AHNAK: variants seen among roughly 807,000 people sequenced by gnomAD.
AHNAK encodes AHNAK nucleoprotein.
In AHNAK, 23 loss-of-function variants were observed where a neutral mutation model predicts 37.8. The ratio of observed to expected loss-of-function variants is 0.61; its 90% CI spans 0.44 to 0.86. AHNAK has a LOEUF of 0.86. AHNAK is among the 40% of genes least tolerant of loss of function. The probability of loss-of-function intolerance (pLI) is 0.00; values close to 1 mark genes in which losing one functional copy is unlikely to be tolerated. For synonymous variants in AHNAK, 2,481 were observed against 2,636.3 expected (o/e 0.94, Z 1.80); for missense variants, 7,411 against 7,319.4 (o/e 1.01, Z -0.46).
rs772632365 is a variant in AHNAK at position 62,527,348 on chromosome 11, T to C, written c.7069A>G (p.Met2357Val). Reference protein sequence around the residue: ...DVKGPKLDADMPEVAVEGPNG... With the variant: ...DVKGPKLDADVPEVAVEGPNG... ...GGGCCTTCCACAGCTACTTCTGGCA[T>C]GTCAGCATCTAATTTGGGACCTTTG... Residue 2357 changes from methionine to valine, a missense_variant, in exon 5 of 5, where the codon ATG becomes GTG. Transcript: ENST00000378024. The C allele has an allele frequency of 1.1e-5, 17 of 1,613,952 alleles. No individual in the cohort carries two copies. Among genetic ancestry groups the C allele is most frequent in the South Asian group, 2.2e-5 (2 of 91,074 alleles).
downstream of AHNAK, among the ~76,000 whole-genome samples, chr11:62,512,255 C>A (rs900416714): frequency 6.6e-6 from 1 of 152,172 alleles, no homozygotes; most frequent in Non-Finnish European, 1.5e-5. The surrounding 1 kb of genome is among the most constrained non-coding windows in gnomAD (Gnocchi z 4.0). Context: ...CCTGGGCTCC[C>A]GTGCCCTCCA....
intron 4 of AHNAK, among the ~76,000 whole-genome samples, chr11:62,499,540 G>T (rs975678269): frequency 9.2e-5 from 14 of 152,156 alleles, no homozygotes; most frequent in African/African-American, 3.4e-4. Flanking sequence ...AACAGAGCAA[G>T]ACTCCATCTC....
chr11:62,454,837 C>T (rs1938622028), intron 5 of AHNAK, among the ~76,000 whole-genome samples: 1 of 152,128 alleles, frequency 6.6e-6, no homozygotes, highest in South Asian at 2.1e-4. Flanking sequence ...CTGCTCCAGC[C>T]CCTCCTCAAA....
At chr11:62,444,526 G>A (rs1306789612) in intron 5 of AHNAK, among the ~76,000 whole-genome samples, 1 of 152,260 alleles carries the variant, frequency 6.6e-6, no homozygotes, top group African/African-American at 2.4e-5. Flanking sequence ...AGCGTGCCCC[G>A]CCCGGCAGCT....
At position 62,520,541 on chromosome 11, in the gene AHNAK, C is replaced by T. The variant is rs762871549; in HGVS notation, c.13876G>A (p.Glu4626Lys). The change falls in exon 5 of 5, where the codon GAA becomes AAA. Residue 4626 changes from glutamate to lysine, a missense_variant. By Grantham distance (56) the Glu-to-Lys change is moderately conservative. Transcript: ENST00000378024. ...ACTTTGGGGTCCCTGATGTCAACTT[C>T]GGGGCCCTTGAGGTCGCCTTCCACT... ...PKVEGDLKGP[E>K]VDIRDPKVDI... The T allele has an allele frequency of 4.0e-5, 64 of 1,614,022 alleles. No individual in the cohort carries two copies. The East Asian group carries it at 1.0e-3, about 25-fold the overall frequency.
rs758650929 is a variant in AHNAK, at chr11:62,527,540, C to T, written c.6877G>A (p.Gly2293Arg). The T allele has an allele frequency of 6.2e-7, 1 of 1,612,526 alleles. No homozygotes were observed. ...TTAAACTTGGGGCCCTTCAGCTTCC[C>T]TTCTGGACCTTCAAGGCTCACATCT... ...VPDVSLEGPEGKLKGPKFKMP... is the reference protein window; with the variant it reads ...VPDVSLEGPERKLKGPKFKMP... Residue 2293 changes from glycine to arginine, a missense_variant, in exon 5 of 5, where the codon GGG becomes AGG. Coordinates refer to ENST00000378024, the MANE Select transcript of AHNAK (RefSeq NM_001620.3).
In AHNAK at chr11:62,538,156, G is replaced by T. The variant is rs556136049; in HGVS notation, c.-99-1589C>A. ...CCAGGACCAGGGGGGTGCCTCACCA[G>T]CTGGCAGCTCTGGGAGCCCTGCCAC... On this transcript the variant is annotated intron_variant, in intron 1 of 4. Coordinates refer to ENST00000378024, the MANE Select transcript of AHNAK (RefSeq NM_001620.3). Among the ~76,000 whole-genome samples, 5 of 152,170 alleles carry T rather than the reference G, an allele frequency of 3.3e-5. No individual in the cohort carries two copies. The East Asian group carries it at 9.7e-4, about 30-fold the overall frequency.
chr11:62,451,250 C>G (rs1238999695), intron 5 of AHNAK, among the ~76,000 whole-genome samples: 1 of 150,856 alleles, frequency 6.6e-6, no homozygotes, highest in African/African-American at 2.4e-5. Context: ...AACCCAAGAC[C>G]AGAGCAAAAT....
rs770877377 is a variant in AHNAK, at chr11:62,517,140, G to C, written c.17277C>G (p.Ala5759=). The C allele has an allele frequency of 6.2e-7, 1 of 1,612,790 alleles. No homozygotes were observed. The highest frequency in any genetic ancestry group is 1.1e-5 in the South Asian group (1 of 91,030). The part of the protein sequence containing the change: ...SLGSLEGEAE[A]EASSPKGKFS... ...ATTTGCCTTTCGGTGAAGAGGCTTC[G>C]GCCTCTGCCTCTCCTTCCAGAGAGC... Residue 5759 remains alanine (A), a synonymous_variant, in exon 5 of 5, where the codon GCC becomes GCG. Transcript: ENST00000378024.
At chr11:62,536,155 C>T in intron 2 of AHNAK, 57 bp from the exon 3 acceptor site, 1 of 1,493,338 alleles carries the variant, frequency 6.7e-7, no homozygotes, top group Non-Finnish European at 9.0e-7. Context: ...GACATGAGGG[C>T]ATGGGAAAGC....
intron 5 of AHNAK, among the ~76,000 whole-genome samples, chr11:62,468,995 G>T (rs1009408447): frequency 6.6e-6 from 1 of 152,162 alleles, no homozygotes; most frequent in Admixed American, 6.5e-5. Context: ...CAATTGGTTT[G>T]TTCTTTTTTG....
Position 62,525,650 on chromosome 11 carries a change from C to T in AHNAK, c.8767G>A (p.Val2923Ile), listed in dbSNP as rs576313785. The change falls in exon 5 of 5, where the codon GTT becomes ATT. Residue 2923 changes from valine (V) to isoleucine (I), a missense_variant. Coordinates refer to ENST00000378024, the MANE Select transcript of AHNAK (RefSeq NM_001620.3). ...EVDVNLPKAD[V>I]DVSGPKVDVE... ...TCCACTTTGGGGCCTGAGACATCAA[C>T]GTCAGCCTTGGGCAGGTTCACATCC... 31 of 1,604,920 alleles carry T rather than the reference C, an allele frequency of 1.9e-5. No homozygotes were observed. In the East Asian group the frequency reaches 2.0e-4, roughly 11 times the overall value.
intron 4 of AHNAK, 68 bp downstream of exon 4, chr11:62,534,924 TGGAAGGCTCAG>T (rs1223914639): frequency 1.4e-6 from 2 of 1,476,212 alleles, no homozygotes; most frequent in African/African-American, 2.8e-5. Context: ...CGGAGGCACA[TGGAAGGCTCAG>T]GAGTGGGGTC....
At position 62,533,816 on chromosome 11, in the gene AHNAK, A is replaced by G. The variant is rs1940855920; in HGVS notation, c.601T>C (p.Ser201Pro). ...EISNVDVETQ[S>P]GKTVIRLPSG... ...GGCAGTCTGATCACGGTCTTCCCAG[A>G]CTGGGTCTCCACATCCACATTGGAG... The change falls in exon 5 of 5, where the codon TCT (serine) becomes CCT (proline). Residue 201 changes from serine to proline, a missense_variant. By Grantham distance (74) the Ser-to-Pro change is moderately conservative. Transcript: ENST00000378024. The G allele has an allele frequency of 1.2e-6, 2 of 1,613,944 alleles. No homozygotes were observed.
At position 62,531,714 on chromosome 11, in the gene AHNAK, C is replaced by G. The variant is rs1312443671; in HGVS notation, c.2703G>C (p.Leu901=). 1 of 1,614,108 alleles carries G rather than the reference C, an allele frequency of 6.2e-7. No homozygotes were observed. Among genetic ancestry groups the G allele is most frequent in the African/African-American group, 1.3e-5 (1 of 74,948 alleles). ...CTGAGATGTCCACATCAGCCTTGGG[C>G]AGGTTCACATCCACTTCTGGGCCCT... ...KAEGPEVDVN[L]PKADVDISGP... The change falls in exon 5 of 5, where the codon CTG becomes CTC. Residue 901 remains leucine, a synonymous_variant. Coordinates refer to ENST00000378024, the MANE Select transcript of AHNAK (RefSeq NM_001620.3).
intron 4 of AHNAK, among the ~76,000 whole-genome samples, chr11:62,509,950 C>G (rs892105139): frequency 6.6e-6 from 1 of 152,114 alleles, no homozygotes; most frequent in Non-Finnish European, 1.5e-5. Flanking sequence ...ACTGTAAAGA[C>G]AGTTACTGGG....
chr11:62,527,174 G>A lies in AHNAK; in HGVS notation c.7243C>T (p.Leu2415Phe). 1.2e-6 allele frequency: 2 copies of A among 1,611,172 alleles called. No individual in the cohort carries two copies. Among genetic ancestry groups the A allele is most frequent in the Non-Finnish European group, 1.7e-6 (2 of 1,178,832 alleles). ...DVDVPKLEGDLKGPHVDVSGP... is the reference protein window; with the variant it reads ...DVDVPKLEGDFKGPHVDVSGP... ...CTGACATCCACATGTGGCCCTTTAA[G>A]GTCCCCTTCCAATTTGGGAACATCT... Residue 2415 changes from leucine to phenylalanine, a missense_variant, in exon 5 of 5, where the codon CTT (leucine) becomes TTT (phenylalanine). Leu to Phe is a conservative substitution (Grantham distance 22). Transcript: ENST00000378024.
Position 62,527,428 on chromosome 11 carries a change from A to T in AHNAK, c.6989T>A (p.Val2330Asp). ...CTCCAGCTTTGGGGCAGAAACATCA[A>T]CATCTCCTTTGATTTTGGGTCCCTT... ...NLKGPKIKGD[V>D]DVSAPKLEGE... The change falls in exon 5 of 5, where the codon GTT becomes GAT. Residue 2330 changes from valine (V) to aspartate (D), a missense_variant. Transcript: ENST00000378024. The T allele has an allele frequency of 6.2e-7, 1 of 1,614,068 alleles. No homozygotes were observed. The highest frequency in any genetic ancestry group is 8.5e-7 in the Non-Finnish European group (1 of 1,179,984).
At chr11:62,507,031 A>G (rs937996897) in intron 4 of AHNAK, among the ~76,000 whole-genome samples, 1 of 151,896 alleles carries the variant, frequency 6.6e-6, no homozygotes, top group African/African-American at 2.4e-5. Context: ...TCCCACGCAC[A>G]CATCTCCACT....
Sources: gnomAD v4.1 joint callset for allele counts (sites outside exome capture counted in the v4.1 genomes callset) on GRCh38, gnomAD v4.1.1 for gene constraint, Gnocchi (gnomAD v3.1) non-coding constraint, MANE v1.5 for transcripts, NCBI Gene and HGNC (gene_info 2026-07-23, HGNC 2026-07-21) for gene names.